The following CRMP1 variants were observed in gnomAD, a reference collection of about 807,000 sequenced individuals.
The protein encoded by CRMP1 is collapsin response mediator protein 1, also known as dihydropyrimidinase-related protein 1.
In CRMP1, 19 loss-of-function variants were observed where a neutral mutation model predicts 68.3. The observed-to-expected ratio is 0.28, with a 90% CI of 0.19 to 0.41. The LOEUF is 0.41. Ranked by LOEUF, CRMP1 falls within the 10% of genes least tolerant of loss-of-function variation. The pLI, the probability that CRMP1 is intolerant of heterozygous loss-of-function variation, is 1.00. For synonymous variants in CRMP1, 439 were observed against 399.6 expected, an observed-to-expected ratio of 1.10 and a Z score of -1.18; for missense variants, 791 against 967.4, an observed-to-expected ratio of 0.82 and a Z score of 2.42.
intron 8 of CRMP1, among the ~76,000 whole-genome samples, chr4:5,840,560 C>T (rs1711645858): frequency 6.6e-6 from 1 of 152,192 alleles, no homozygotes; most frequent in Non-Finnish European, 1.5e-5. Flanking sequence ...AGCTGCCCAA[C>T]CAGCAACCAC....
At chr4:5,864,370 T>C (rs565094882) in intron 2 of CRMP1, among the ~76,000 whole-genome samples, 1 of 152,306 alleles carries the variant, frequency 6.6e-6, no homozygotes, top group African/African-American at 2.4e-5. Context: ...TTTCTCTCTA[T>C]CTAAGCCATG....
chr4:5,869,070 G>A (rs537874278), intron 1 of CRMP1, among the ~76,000 whole-genome samples: 4 of 152,122 alleles, frequency 2.6e-5, no homozygotes, highest in African/African-American at 9.6e-5. Context: ...TCCAGCCTCA[G>A]ACTCCCGAAT....
In CRMP1 at chr4:5,861,135, T is replaced by C; in HGVS notation, c.546A>G (p.Gly182=). ...IEANGRMVIP[G]GIDVNTYLQK... ...GCAGGTACGTGTTGACATCAATACCTCCGGGAATAACCATCCGCCCGTTGG... is the reference window on the plus strand; with the variant it reads ...GCAGGTACGTGTTGACATCAATACCCCCGGGAATAACCATCCGCCCGTTGG... Residue 182 remains glycine, a synonymous_variant, in exon 3 of 14, where the codon GGA becomes GGG. Coordinates refer to ENST00000324989, the MANE Select transcript of CRMP1 (RefSeq NM_001014809.3). This position sits in a 1 kb window ranked among gnomAD's most constrained non-coding sequence, Gnocchi z 6.0. 2 of 1,614,182 alleles carry C rather than the reference T, an allele frequency of 1.2e-6. No homozygotes were observed. Among genetic ancestry groups the C allele is most frequent in the Non-Finnish European group, 1.7e-6 (2 of 1,180,038 alleles).
Position 5,866,472 on chromosome 4 carries a change from G to A in CRMP1, c.470+196C>T, listed in dbSNP as rs936446947. Among the ~76,000 whole-genome samples, 8 of 151,920 alleles carry A rather than the reference G, an allele frequency of 5.3e-5. No individual in the cohort carries two copies. The highest frequency in any genetic ancestry group is 2.6e-4 in the Admixed American group (4 of 15,258). ...AGCCGTGTGGCAGGGAGCCTAGCCC[G>A]GGGGGGCACCCAAGAAATGCCAGCC... On this transcript the variant is annotated intron_variant, in intron 2 of 13. Coordinates refer to ENST00000324989, the MANE Select transcript of CRMP1 (RefSeq NM_001014809.3). The surrounding 1 kb of genome is among the most constrained non-coding windows in gnomAD (Gnocchi z 5.9).
chr4:5,840,213 T>C (rs1020973403), intron 8 of CRMP1, among the ~76,000 whole-genome samples: 1 of 152,072 alleles, frequency 6.6e-6, no homozygotes, highest in Non-Finnish European at 1.5e-5. Flanking sequence ...CGCCTCAGGG[T>C]CCTCCCACCC....
chr4:5,863,115 C>CTT (rs35515710), intron 2 of CRMP1, among the ~76,000 whole-genome samples: 4,760 of 140,060 alleles, frequency 0.034, 115 homozygotes, highest in African/African-American at 0.046. Flanking sequence ...TCTTTTTTTC[C>CTT]TTTTTTTTTT....
intron 1 of CRMP1, among the ~76,000 whole-genome samples, chr4:5,876,408 C>T (rs1714836642): frequency 6.6e-6 from 1 of 152,022 alleles, no homozygotes; most frequent in Non-Finnish European, 1.5e-5. Flanking sequence ...TCTCAGAGGC[C>T]ACGCAAATTC....
At chr4:5,875,979 C>T (rs978552494) in intron 1 of CRMP1, among the ~76,000 whole-genome samples, 2 of 151,900 alleles carry the variant, frequency 1.3e-5, no homozygotes, top group East Asian at 1.9e-4. Context: ...AGTGAAACCC[C>T]GTCTCTACTA....
chr4:5,829,683 A>C (rs1720214276), intron 11 of CRMP1, among the ~76,000 whole-genome samples: 1 of 152,160 alleles, frequency 6.6e-6, no homozygotes. Context: ...TTCTCAGCTT[A>C]ATTTTTCTTT....
At chr4:5,848,190 G>A (rs1454410091) in intron 6 of CRMP1, among the ~76,000 whole-genome samples, 1 of 151,308 alleles carries the variant, frequency 6.6e-6, no homozygotes, top group African/African-American at 2.4e-5. Flanking sequence ...TGTTGCCCAG[G>A]CTGGAGTGCA....
chr4:5,836,395 T>C (rs985244143), intron 10 of CRMP1, among the ~76,000 whole-genome samples: 1 of 152,212 alleles, frequency 6.6e-6, no homozygotes, highest in Non-Finnish European at 1.5e-5. Flanking sequence ...GAGACCCAGC[T>C]CTTCCTCTGC....
intron 1 of CRMP1, chr4:5,887,524 A>G (rs3755851): frequency 0.66 from 651,084 of 985,086 alleles, 215,834 homozygotes; most frequent in East Asian, 0.78. Context: ...AAAGACGGGG[A>G]TTCCTTTGTT....
intron 11 of CRMP1, among the ~76,000 whole-genome samples, chr4:5,828,938 C>CT (rs112514606): frequency 0.15 from 23,057 of 151,954 alleles, 3,065 homozygotes; most frequent in African/African-American, 0.36. Flanking sequence ...GGGGGTCCCC[C>CT]GGGGTTATGC....
At position 5,843,509 on chromosome 4, in the gene CRMP1, G is replaced by A. The variant is rs989130468; in HGVS notation, c.964-348C>T. Among the ~76,000 whole-genome samples, 3 of 152,100 alleles carry A rather than the reference G, an allele frequency of 2.0e-5. No homozygotes were observed. Among genetic ancestry groups the A allele is most frequent in the Non-Finnish European group, 2.9e-5 (2 of 68,040 alleles). On this transcript the variant is annotated intron_variant, in intron 6 of 13. Transcript: ENST00000324989. The surrounding 1 kb of genome is among the most constrained non-coding windows in gnomAD (Gnocchi z 4.1). ...GCAGGCCTCTCCTCTGGGAAGAAACGTGGTGTTTGGGTACAACATGGATAT... is the reference window on the plus strand; with the variant it reads ...GCAGGCCTCTCCTCTGGGAAGAAACATGGTGTTTGGGTACAACATGGATAT...
At chr4:5,863,361 C>T (rs13146086) in intron 2 of CRMP1, among the ~76,000 whole-genome samples, 78,162 of 151,980 alleles carry the variant, frequency 0.51, 20,841 homozygotes, top group East Asian at 0.74. Flanking sequence ...TCCTCCAAGG[C>T]CACACAGCAA....
chr4:5,866,671 A>G lies in CRMP1; in HGVS notation c.467T>C (p.Ile156Thr). 1 of 1,611,908 alleles carries G rather than the reference A, an allele frequency of 6.2e-7. No homozygotes were observed. The highest frequency in any genetic ancestry group is 8.5e-7 in the Non-Finnish European group (1 of 1,179,438). ...YADVYLEDGL[I>T]KQIGENLIVP... is the part of the protein sequence containing the mutation. ...AGGTCCGTTTTGATCAACCCACTTGATAAGTCCATCCTCCAGGTAGACGTC... is the reference window on the plus strand; with the variant it reads ...AGGTCCGTTTTGATCAACCCACTTGGTAAGTCCATCCTCCAGGTAGACGTC... Residue 156 changes from isoleucine to threonine, a missense_variant, in exon 2 of 14, where the codon ATC becomes ACC. By Grantham distance (89) the Ile-to-Thr change is moderately conservative. Around this residue, in one of 3 missense-constraint regions of CRMP1, gnomAD observed 594 missense variants for 763.6 expected, o/e 0.78. Coordinates refer to ENST00000324989, the MANE Select transcript of CRMP1 (RefSeq NM_001014809.3). The surrounding 1 kb of genome is among the most constrained non-coding windows in gnomAD (Gnocchi z 5.9).
Position 5,883,159 on chromosome 4 carries a change from G to C in CRMP1, c.381+9430C>G, listed in dbSNP as rs1036908727. Among the ~76,000 whole-genome samples, 2 of 152,152 alleles carry C rather than the reference G, an allele frequency of 1.3e-5. No homozygotes were observed. Among genetic ancestry groups the C allele is most frequent in the Admixed American group, 6.5e-5 (1 of 15,270 alleles). ...AAACCCCAAGAAGCCATCTCTTGTTGCTTCTGCCAGGGCTGAGTCATCTCT... is the reference window on the plus strand; with the variant it reads ...AAACCCCAAGAAGCCATCTCTTGTTCCTTCTGCCAGGGCTGAGTCATCTCT... On this transcript the variant is annotated intron_variant, in intron 1 of 13. Coordinates refer to ENST00000324989, the MANE Select transcript of CRMP1 (RefSeq NM_001014809.3). The surrounding 1 kb of genome is among the most constrained non-coding windows in gnomAD (Gnocchi z 4.5).
At chr4:5,880,877 C>G (rs1285482498) in intron 1 of CRMP1, among the ~76,000 whole-genome samples, 1 of 152,226 alleles carries the variant, frequency 6.6e-6, no homozygotes, top group Non-Finnish European at 1.5e-5. Context: ...TTCACTCACT[C>G]ACACAGTGTG....
chr4:5,871,761 T>C (rs898570034), intron 1 of CRMP1, among the ~76,000 whole-genome samples: 61 of 152,220 alleles, frequency 4.0e-4, no homozygotes, highest in African/African-American at 1.4e-3. Context: ...TCTGCTGATA[T>C]TTGATACGAA....
Sources: gnomAD v4.1 joint callset for allele counts (sites outside exome capture counted in the v4.1 genomes callset) on GRCh38, gnomAD v4.1.1 for gene constraint, gnomAD v4.1.1 regional missense constraint, Gnocchi (gnomAD v3.1) non-coding constraint, MANE v1.5 for transcripts, NCBI Gene and HGNC (gene_info 2026-07-23, HGNC 2026-07-21) for gene names.